The following HSD17B2 variants were observed in gnomAD, a reference collection of about 807,000 sequenced individuals.
HSD17B2 encodes 17-beta-hydroxysteroid dehydrogenase type 2.
In HSD17B2, 32 loss-of-function variants were observed where a neutral mutation model predicts 26.9. The observed-to-expected ratio is 1.19, with a 90% CI of 0.90 to 1.60. The LOEUF is 1.60. HSD17B2 is among the 40% of genes most tolerant of loss of function. The pLI, the probability that HSD17B2 is intolerant of heterozygous loss-of-function variation, is 0.00. For missense variants in HSD17B2, 613 were observed against 468.6 expected (o/e 1.31, Z -2.85); for synonymous variants, 246 against 186.7 (o/e 1.32, Z -2.59).
intron 1 of HSD17B2, among the ~76,000 whole-genome samples, chr16:82,060,669 C>T (rs919694392): frequency 2.0e-5 from 3 of 152,174 alleles, no homozygotes; most frequent in Non-Finnish European, 4.4e-5. Flanking sequence ...TCCGTTCTAC[C>T]ATAAGAAGTG....
At chr16:82,037,319 C>G (rs1263391725) in intron 1 of HSD17B2, among the ~76,000 whole-genome samples, 1 of 152,164 alleles carries the variant, frequency 6.6e-6, no homozygotes, top group East Asian at 1.9e-4. Context: ...TCATATCATC[C>G]TAGACAAGGC....
intron 1 of HSD17B2, among the ~76,000 whole-genome samples, chr16:82,039,029 G>C (rs1370938215): frequency 2.0e-5 from 3 of 152,158 alleles, no homozygotes; most frequent in African/African-American, 7.2e-5. Context: ...ACACTGGCTG[G>C]CAAAGTGGGT....
Position 82,035,515 on chromosome 16 carries a change from T to C in HSD17B2, c.91T>C (p.Ser31Pro). 2 of 1,614,156 alleles carry C rather than the reference T, an allele frequency of 1.2e-6. No homozygotes were observed. The highest frequency in any genetic ancestry group is 1.7e-4 in the Middle Eastern group (1 of 6,058). The change falls in exon 1 of 5, where the codon TCA (serine) becomes CCA (proline). Residue 31 changes from serine (S) to proline (P), a missense_variant. By Grantham distance (74) the Ser-to-Pro change is moderately conservative. Coordinates refer to ENST00000199936, the MANE Select transcript of HSD17B2 (RefSeq NM_002153.3). The part of the protein sequence containing the change: ...GTVFCKYKKS[S>P]GQLWSWMVCL... ...AGTATTTTGCAAATACAAGAAGAGC[T>C]CAGGGCAGCTGTGGAGCTGGATGGT... is the stretch of plus-strand genomic sequence containing the variant.
chr16:82,083,647 T>C lies in HSD17B2; in HGVS notation c.665-7255T>C, dbSNP rs1033192341. Reference sequence around the variant, plus strand: ...GGATCTGGGGCAGCAGCTGACAGTCTGTATGCTTGCAGCTTCTTAATCTGC... The same window carrying C: ...GGATCTGGGGCAGCAGCTGACAGTCCGTATGCTTGCAGCTTCTTAATCTGC... On this transcript the variant is annotated intron_variant, in intron 3 of 4. Coordinates refer to ENST00000199936, the MANE Select transcript of HSD17B2 (RefSeq NM_002153.3). Among the ~76,000 whole-genome samples the C allele has an allele frequency of 2.0e-5, 3 of 152,140 alleles. No homozygotes were observed. In the East Asian group the frequency reaches 5.8e-4, roughly 29 times the overall value.
At chr16:82,081,278 C>G (rs1904372463) in intron 3 of HSD17B2, among the ~76,000 whole-genome samples, 1 of 152,106 alleles carries the variant, frequency 6.6e-6, no homozygotes, top group African/African-American at 2.4e-5. Flanking sequence ...TGAAGCTGTT[C>G]CCGCATGAAC....
chr16:82,056,356 G>C (rs1914267970), intron 1 of HSD17B2: 1 of 152,130 alleles, frequency 6.6e-6, no homozygotes, highest in African/African-American at 2.4e-5. Context: ...TTTTACAAGT[G>C]TTACTTTACT....
intron 1 of HSD17B2, among the ~76,000 whole-genome samples, chr16:82,064,076 C>T (rs1914515089): frequency 6.6e-6 from 1 of 152,182 alleles, no homozygotes; most frequent in African/African-American, 2.4e-5. Context: ...TGCAATTTTC[C>T]AGTATCACAG....
In HSD17B2 at chr16:82,066,212, GC is replaced by G. The variant is rs1258047406; in HGVS notation, c.266-1956del. Among the ~76,000 whole-genome samples the G allele has an allele frequency of 2.0e-5, 3 of 152,158 alleles. No individual in the cohort carries two copies. In the East Asian group the frequency reaches 5.8e-4, roughly 29 times the overall value. ...TCAGTTGGTACCATCTCCTCCTCTG[GC>G]CAGCCCCAGGGAGGAAACCACTTAC... is the stretch of plus-strand genomic sequence containing the variant. On this transcript the variant is annotated intron_variant, in intron 1 of 4. Coordinates refer to ENST00000199936, the MANE Select transcript of HSD17B2 (RefSeq NM_002153.3).
intron 1 of HSD17B2, among the ~76,000 whole-genome samples, chr16:82,067,408 T>C (rs1257135703): frequency 6.6e-6 from 1 of 152,234 alleles, no homozygotes; most frequent in African/African-American, 2.4e-5. Context: ...TTTGCACTTG[T>C]GGGTATAAAA....
At chr16:82,040,360 CTG>C (rs942741018) in intron 1 of HSD17B2, among the ~76,000 whole-genome samples, 1 of 152,218 alleles carries the variant, frequency 6.6e-6, no homozygotes, top group African/African-American at 2.4e-5. Context: ...AATAACATCT[CTG>C]TGCTCTAACC....
chr16:82,082,485 C>A (rs574346357), intron 3 of HSD17B2, among the ~76,000 whole-genome samples: 1 of 152,274 alleles, frequency 6.6e-6, no homozygotes, highest in Non-Finnish European at 1.5e-5. Flanking sequence ...CAACTTTTGA[C>A]TATTATGAAT....
At chr16:82,094,275 C>T (rs764102795) in intron 4 of HSD17B2, 4 of 152,204 alleles carry the variant, frequency 2.6e-5, no homozygotes, top group Non-Finnish European at 5.9e-5. Context: ...GAAAGAATGA[C>T]TAGATCATAG....
At chr16:82,077,839 A>G (rs924702398) in intron 3 of HSD17B2, among the ~76,000 whole-genome samples, 5 of 152,210 alleles carry the variant, frequency 3.3e-5, no homozygotes, top group African/African-American at 1.2e-4. Context: ...ACTGGATACC[A>G]TATGCAGAAG....
intron 1 of HSD17B2, among the ~76,000 whole-genome samples, chr16:82,055,844 G>T (rs1381674111): frequency 6.6e-6 from 1 of 152,184 alleles, no homozygotes; most frequent in East Asian, 1.9e-4. Flanking sequence ...AGTGAGGGTG[G>T]CGAATTGGTT....
At chr16:82,059,890 T>A (rs963597682) in intron 1 of HSD17B2, among the ~76,000 whole-genome samples, 1 of 152,162 alleles carries the variant, frequency 6.6e-6, no homozygotes, top group Non-Finnish European at 1.5e-5. Context: ...ATAAAGGTTA[T>A]GTTCCAAGAA....
intron 1 of HSD17B2, among the ~76,000 whole-genome samples, chr16:82,057,693 G>GATGAA (rs1914314526): frequency 6.6e-6 from 1 of 152,212 alleles, no homozygotes; most frequent in Non-Finnish European, 1.5e-5. Flanking sequence ...GATGTGATGT[G>GATGAA]ATGAAATGGC....
intron 1 of HSD17B2, among the ~76,000 whole-genome samples, chr16:82,062,073 C>T (rs935241479): frequency 1.3e-5 from 2 of 152,172 alleles, no homozygotes; most frequent in African/African-American, 4.8e-5. Flanking sequence ...TAATATGGTG[C>T]CCCCATGTGG....
intron 3 of HSD17B2, among the ~76,000 whole-genome samples, chr16:82,073,011 T>C (rs936995105): frequency 2.0e-5 from 3 of 152,138 alleles, no homozygotes; most frequent in Non-Finnish European, 4.4e-5. Flanking sequence ...CAGTAAGCTG[T>C]GTTCATGTCA....
At chr16:82,096,092 A>T (rs1904830345) in intron 4 of HSD17B2, 1 of 152,180 alleles carries the variant, frequency 6.6e-6, no homozygotes, top group Non-Finnish European at 1.5e-5. Flanking sequence ...AAATATATTT[A>T]TACTTAATTG....
Sources: gnomAD v4.1 joint callset for allele counts (sites outside exome capture counted in the v4.1 genomes callset) on GRCh38, gnomAD v4.1.1 for gene constraint, MANE v1.5 for transcripts, NCBI Gene and HGNC (gene_info 2026-07-23, HGNC 2026-07-21) for gene names.